Variants in PALS2 observed in about 807,000 individuals in gnomAD.
The protein encoded by PALS2 is protein associated with LIN7 2, MAGUK p55 family member.
PALS2 carries 27 observed loss-of-function variants against 61.6 expected under a neutral mutation model. The ratio of observed to expected loss-of-function variants is 0.44; its 90% CI spans 0.32 to 0.60. The LOEUF is 0.60. Ranked by LOEUF, PALS2 falls within the 20% of genes least tolerant of loss-of-function variation. The pLI is 0.05. For synonymous variants in PALS2, 236 were observed against 218.6 expected (o/e 1.08, Z -0.70); for missense variants, 554 against 639.4 (o/e 0.87, Z 1.44).
chr7:24,636,691 A>G (rs1158021493), intron 2 of PALS2, among the ~76,000 whole-genome samples: 1 of 152,212 alleles, frequency 6.6e-6, no homozygotes, highest in Non-Finnish European at 1.5e-5. Context: ...AAATTTTTAA[A>G]GATAGGTTCC....
At chr7:24,641,210 T>C (rs1054964768) in intron 2 of PALS2, among the ~76,000 whole-genome samples, 5 of 152,050 alleles carry the variant, frequency 3.3e-5, no homozygotes, top group African/African-American at 1.2e-4. Flanking sequence ...TTTTTTCCAC[T>C]GATTTTCAAC....
Position 24,689,388 on chromosome 7 carries a change from C to G in PALS2, c.*1774C>G, listed in dbSNP as rs1216243298. On this transcript the variant is annotated 3_prime_UTR_variant, in exon 12 of 12. Coordinates refer to ENST00000222644, the MANE Select transcript of PALS2 (RefSeq NM_001303037.2). The stretch of plus-strand genomic sequence containing the variant: ...GTCATCTTTGTCTGGTGTTAGGTGC[C>G]AGACACCTGGCTGCTGAATTTGTTT... The G allele has an allele frequency of 6.6e-6, 1 of 152,114 alleles. No individual in the cohort carries two copies. Among genetic ancestry groups the G allele is most frequent in the Non-Finnish European group, 1.5e-5 (1 of 68,018 alleles). The allele number at this position is 152,114 out of a possible 1,614,324, so 9.4% of individuals were successfully genotyped here.
rs1782523658 is a variant in PALS2, at chr7:24,573,482, G to A, written c.-114G>A. ...TCCAGTTCTCAACTACGAGCCACGAGTTTGCAGATGGGGCTGCTCGGCGGC... is the reference window on the plus strand; with the variant it reads ...TCCAGTTCTCAACTACGAGCCACGAATTTGCAGATGGGGCTGCTCGGCGGC... On this transcript the variant is annotated 5_prime_UTR_variant, in exon 1 of 12. Transcript: ENST00000222644. This position sits in a 1 kb window ranked among gnomAD's most constrained non-coding sequence, Gnocchi z 5.3. 1 of 384,040 alleles carries A rather than the reference G, an allele frequency of 2.6e-6. No homozygotes were observed. 23.8% of individuals were successfully genotyped at this position (384,040 alleles called of 1,614,324 possible).
At chr7:24,637,640 A>G (rs1562631292) in intron 2 of PALS2, among the ~76,000 whole-genome samples, 1 of 152,234 alleles carries the variant, frequency 6.6e-6, no homozygotes, top group Non-Finnish European at 1.5e-5. Context: ...GTTTCTACAC[A>G]TAACAATAAT....
In PALS2 at chr7:24,680,536, G is replaced by A. The variant is rs957706619; in HGVS notation, c.1446+16G>A. 23 of 1,601,238 alleles carry A rather than the reference G, an allele frequency of 1.4e-5. No individual in the cohort carries two copies. The East Asian group carries it at 2.2e-4, about 16-fold the overall frequency. On this transcript the variant is annotated intron_variant, in intron 11 of 11. Coordinates refer to ENST00000222644, the MANE Select transcript of PALS2 (RefSeq NM_001303037.2). ...GCTTCTGACCGTGAGCTAACCATAC[G>A]ATTTTCCTTCTAAAATCTTTCCTTT...
chr7:24,659,642 C>A (rs1786611031), intron 5 of PALS2, among the ~76,000 whole-genome samples: 1 of 152,036 alleles, frequency 6.6e-6, no homozygotes, highest in Non-Finnish European at 1.5e-5. Flanking sequence ...AGTATTGTAC[C>A]CCACCTCCTG....
chr7:24,597,671 G>T (rs763858969), intron 1 of PALS2, among the ~76,000 whole-genome samples: 2 of 152,176 alleles, frequency 1.3e-5, no homozygotes, highest in African/African-American at 4.8e-5. Flanking sequence ...TTGATTCATT[G>T]ACAGGTAGTA....
At chr7:24,635,336 T>G (rs944216664) in intron 2 of PALS2, among the ~76,000 whole-genome samples, 1 of 152,228 alleles carries the variant, frequency 6.6e-6, no homozygotes, top group Non-Finnish European at 1.5e-5. Context: ...GTTTTTTAAA[T>G]TTCATTTTCA....
Position 24,665,748 on chromosome 7 carries a change from T to C in PALS2, c.883+61T>C, listed in dbSNP as rs1478013286. On this transcript the variant is annotated intron_variant, in intron 7 of 11. Coordinates refer to ENST00000222644, the MANE Select transcript of PALS2 (RefSeq NM_001303037.2). ...TTTGTGACCACCTTTCTTTGTCTCT[T>C]TTGTCTAAATAAGCAAATGCATTTA... 5 of 1,443,266 alleles carry C rather than the reference T, an allele frequency of 3.5e-6. No individual in the cohort carries two copies. In the East Asian group the frequency reaches 1.1e-4, roughly 33 times the overall value. 89.4% of individuals were successfully genotyped at this position (1,443,266 alleles called of 1,614,324 possible).
In PALS2 at chr7:24,627,148, G is replaced by T. The variant is rs143179259; in HGVS notation, c.117+3364G>T. On this transcript the variant is annotated intron_variant, in intron 2 of 11. Transcript: ENST00000222644. ...AGTCCTCAGCAAATGCAAAAGAACG[G>T]AAATCATAACAAAGAATCTCTCAGA... Among the ~76,000 whole-genome samples the T allele has an allele frequency of 6.4e-3, 979 of 152,246 alleles. 6 individuals are homozygous for T. Among genetic ancestry groups the T allele is most frequent in the Non-Finnish European group, 0.011 (739 of 68,006 alleles).
In PALS2 at chr7:24,581,248, T is replaced by TG. The variant is rs989220292; in HGVS notation, c.-3+7656dup. Among the ~76,000 whole-genome samples, 5 of 21,186 alleles carry TG rather than the reference T, an allele frequency of 2.4e-4. No individual in the cohort carries two copies. In the African/African-American group the frequency reaches 3.1e-3, roughly 13 times the overall value. 13.9% of individuals were successfully genotyped at this position (21,186 alleles called of 152,430 possible). On this transcript the variant is annotated intron_variant, in intron 1 of 11. Transcript: ENST00000222644. ...TCTGTGTCTTTCATTTCCCCACGTGTGTGTGTGTGTGTGTGTGTGTGTGTG... is the reference window on the plus strand; with the variant it reads ...TCTGTGTCTTTCATTTCCCCACGTGTGGTGTGTGTGTGTGTGTGTGTGTGTG...
rs1444154635 is a variant in PALS2 at position 24,618,148 on chromosome 7, C to G, written c.-2-5518C>G. ...TCAGGCTCAGGACATGGGTGTGCAA[C>G]TACCCGGCCACCATGGGGACATGTC... On this transcript the variant is annotated intron_variant, in intron 1 of 11. Transcript: ENST00000222644. This position sits in a 1 kb window ranked among gnomAD's most constrained non-coding sequence, Gnocchi z 5.1. Among the ~76,000 whole-genome samples the G allele has an allele frequency of 2.6e-5, 4 of 152,150 alleles. No individual in the cohort carries two copies. The highest frequency in any genetic ancestry group is 4.4e-5 in the Non-Finnish European group (3 of 68,034).
intron 5 of PALS2, among the ~76,000 whole-genome samples, chr7:24,653,952 G>C (rs1372015986): frequency 6.6e-6 from 1 of 152,184 alleles, no homozygotes; most frequent in Non-Finnish European, 1.5e-5. Flanking sequence ...TACTATTGGG[G>C]AAGTGGTGAT....
intron 1 of PALS2, among the ~76,000 whole-genome samples, chr7:24,605,084 C>CT (rs1370266281): frequency 1.3e-5 from 2 of 152,090 alleles, no homozygotes; most frequent in African/African-American, 4.8e-5. Flanking sequence ...TTTATATTTG[C>CT]TTTTTTGCAG....
At chr7:24,679,930 T>A (rs1787829544) in intron 10 of PALS2, among the ~76,000 whole-genome samples, 1 of 152,184 alleles carries the variant, frequency 6.6e-6, no homozygotes, top group African/African-American at 2.4e-5. Context: ...ATGGAAAAAT[T>A]CTATATAGAT....
intron 2 of PALS2, among the ~76,000 whole-genome samples, chr7:24,636,212 C>CAAA (rs553687246): frequency 0.023 from 1,482 of 65,312 alleles, 42 homozygotes; most frequent in African/African-American, 0.081. Flanking sequence ...AACTCTATCT[C>CAAA]AAAAAAAAAA....
At chr7:24,673,853 T>C (rs1787428804) in intron 9 of PALS2, among the ~76,000 whole-genome samples, 1 of 152,104 alleles carries the variant, frequency 6.6e-6, no homozygotes, top group Non-Finnish European at 1.5e-5. Flanking sequence ...TTTTTTTAGA[T>C]AGGAAATTAG....
intron 6 of PALS2, among the ~76,000 whole-genome samples, chr7:24,665,193 G>A (rs533568540): frequency 6.6e-6 from 1 of 152,084 alleles, no homozygotes; most frequent in East Asian, 1.9e-4. Context: ...TTTTCATTTG[G>A]TTTGGCCTGA....
intron 2 of PALS2, among the ~76,000 whole-genome samples, chr7:24,639,862 G>A (rs1404135776): frequency 8.0e-6 from 1 of 125,020 alleles, no homozygotes; most frequent in African/African-American, 3.1e-5. Context: ...TGTCACCCAC[G>A]CTGGAGTGCA....
Sources: allele counts gnomAD v4.1 joint callset (sites outside exome capture counted in the v4.1 genomes callset), GRCh38; gene constraint gnomAD v4.1.1; non-coding constraint Gnocchi (gnomAD v3.1); transcripts MANE v1.5; gene names NCBI Gene and HGNC (gene_info 2026-07-23, HGNC 2026-07-21).